DLGAP1: variants seen among roughly 807,000 people sequenced by gnomAD.
DLGAP1 encodes the protein disks large-associated protein 1.
A neutral mutation model predicts 90.8 loss-of-function variants in DLGAP1; 11 were observed. The ratio of observed to expected loss-of-function variants is 0.12; its 90% confidence interval spans 0.08 to 0.20. The LOEUF (loss-of-function observed/expected upper bound fraction) is 0.20, where lower values mean the gene tolerates loss of function less well. DLGAP1 is among the 10% of genes least tolerant of loss of function. The probability of loss-of-function intolerance (pLI) is 1.00; values close to 1 mark genes in which losing one functional copy is unlikely to be tolerated. For synonymous variants in DLGAP1, 558 were observed against 540.7 expected (o/e 1.03, Z -0.44); for missense variants, 1,050 against 1,333.8 (o/e 0.79, Z 3.31).
chr18:3,813,023 G>T (rs1226047690), intron 5 of DLGAP1, among the ~76,000 whole-genome samples: 1 of 152,098 alleles, frequency 6.6e-6, no homozygotes, highest in Non-Finnish European at 1.5e-5. Context: ...AGACTCTAAA[G>T]AATTTACTCT....
At chr18:3,787,453 C>G (rs1052150639) in intron 5 of DLGAP1, among the ~76,000 whole-genome samples, 14 of 121,326 alleles carry the variant, frequency 1.2e-4, no homozygotes, top group Non-Finnish European at 1.6e-5. Context: ...TGCACTCTGG[C>G]CTGGGTGACA....
intron 7 of DLGAP1, among the ~76,000 whole-genome samples, chr18:3,594,669 A>G (rs2056477984): frequency 6.6e-6 from 1 of 152,098 alleles, no homozygotes; most frequent in Non-Finnish European, 1.5e-5. Context: ...GTTGTTTTAA[A>G]GCAGCAGCCA....
chr18:4,433,254 T>C (rs1310678231), intron 1 of DLGAP1, among the ~76,000 whole-genome samples: 1 of 152,240 alleles, frequency 6.6e-6, no homozygotes, highest in Non-Finnish European at 1.5e-5. Context: ...CTCAATTTAT[T>C]CATCTGTAAT....
chr18:4,315,858 G>A (rs1358229776), intron 1 of DLGAP1, among the ~76,000 whole-genome samples: 1 of 152,178 alleles, frequency 6.6e-6, no homozygotes, highest in Non-Finnish European at 1.5e-5. Flanking sequence ...TCAGCACATA[G>A]TAAGTGCTCA....
intron 3 of DLGAP1, among the ~76,000 whole-genome samples, chr18:3,907,975 T>A (rs1412041497): frequency 6.6e-6 from 1 of 152,208 alleles, no homozygotes; most frequent in Non-Finnish European, 1.5e-5. Flanking sequence ...ATTGGAGCCT[T>A]AAGAGCTAGG....
chr18:4,123,790 A>G (rs892022611), intron 2 of DLGAP1, among the ~76,000 whole-genome samples: 2 of 152,136 alleles, frequency 1.3e-5, no homozygotes, highest in African/African-American at 4.8e-5. Flanking sequence ...AAAACAGAAT[A>G]CTGTTTATAA....
intron 3 of DLGAP1, among the ~76,000 whole-genome samples, chr18:3,897,854 G>T (rs1373263330): frequency 6.8e-6 from 1 of 147,290 alleles, no homozygotes; most frequent in East Asian, 2.0e-4. Flanking sequence ...GACTGCAGTG[G>T]CGCAATCTCG....
chr18:4,275,001 G>A (rs1033772843), intron 1 of DLGAP1, among the ~76,000 whole-genome samples: 1 of 152,098 alleles, frequency 6.6e-6, no homozygotes, highest in Non-Finnish European at 1.5e-5. Context: ...TTATCAAAAT[G>A]GGACTGACTT....
rs976082599 is a variant in DLGAP1 at position 3,792,134 on chromosome 18, C to T, written c.1172+21925G>A. Among the ~76,000 whole-genome samples, 6 of 152,136 alleles carry T rather than the reference C, an allele frequency of 3.9e-5. No homozygotes were observed. The East Asian group carries it at 9.7e-4, about 25-fold the overall frequency. ...GTAACCAGCTGGCCCTGTGTACTCA[C>T]GGGCCTGCAGGGCAGCAGCCCTCTT... On this transcript the variant is annotated intron_variant, in intron 5 of 12. Transcript: ENST00000315677.
chr18:4,177,699 T>C (rs1447086517), intron 1 of DLGAP1, among the ~76,000 whole-genome samples: 1 of 152,174 alleles, frequency 6.6e-6, no homozygotes, highest in Non-Finnish European at 1.5e-5. Flanking sequence ...CTCCCACTTA[T>C]AAGTGAGAAC....
intron 1 of DLGAP1, among the ~76,000 whole-genome samples, chr18:4,418,156 T>G (rs1176928850): frequency 6.6e-6 from 1 of 152,002 alleles, no homozygotes; most frequent in Non-Finnish European, 1.5e-5. Flanking sequence ...CTAACCCAAC[T>G]CCTAACTAGT....
At chr18:3,503,834 G>A (rs1054373972) in intron 11 of DLGAP1, among the ~76,000 whole-genome samples, 4 of 152,268 alleles carry the variant, frequency 2.6e-5, no homozygotes, top group Admixed American at 6.5e-5. Context: ...GGTGGCTCAT[G>A]CCTGTAATCC....
chr18:3,898,011 G>A (rs958568353), intron 3 of DLGAP1, among the ~76,000 whole-genome samples: 15 of 151,794 alleles, frequency 9.9e-5, no homozygotes, highest in African/African-American at 2.9e-4. Context: ...AGCCAGGATG[G>A]TCTCGATCTC....
chr18:4,361,434 T>A (rs2081628072), intron 1 of DLGAP1, among the ~76,000 whole-genome samples: 1 of 152,038 alleles, frequency 6.6e-6, no homozygotes, highest in Non-Finnish European at 1.5e-5. Context: ...GAATAGACAG[T>A]TCAGAAATAA....
intron 7 of DLGAP1, among the ~76,000 whole-genome samples, chr18:3,690,499 A>AGAC (rs1165099404): frequency 6.6e-6 from 1 of 152,142 alleles, no homozygotes; most frequent in Non-Finnish European, 1.5e-5. Flanking sequence ...GGATATCCAA[A>AGAC]GACGAGCTGG....
At chr18:4,149,835 A>T (rs1413987979) in intron 2 of DLGAP1, among the ~76,000 whole-genome samples, 1 of 152,138 alleles carries the variant, frequency 6.6e-6, no homozygotes, top group Non-Finnish European at 1.5e-5. Context: ...CTTCCACGAA[A>T]CCGGTCCCTG....
intron 1 of DLGAP1, among the ~76,000 whole-genome samples, chr18:4,218,698 A>G (rs905308272): frequency 2.0e-4 from 31 of 151,934 alleles, no homozygotes; most frequent in African/African-American, 6.8e-4. Context: ...GATTCCACAT[A>G]TAAGTAAAAC....
chr18:4,115,586 C>T lies in DLGAP1; in HGVS notation c.-159+35594G>A, dbSNP rs113386397. Among the ~76,000 whole-genome samples, 1,178 of 151,964 alleles carry T rather than the reference C, an allele frequency of 7.8e-3. 5 individuals carry two copies. The highest frequency in any genetic ancestry group is 0.025 in the South Asian group (122 of 4,814). ...CCGCAAGCTCTGCCTCCGGGGTTCACGCCATCCTCCTGCCTCAGCCTCCGG... is the reference window on the plus strand; with the variant it reads ...CCGCAAGCTCTGCCTCCGGGGTTCATGCCATCCTCCTGCCTCAGCCTCCGG... On this transcript the variant is annotated intron_variant, in intron 2 of 12. Coordinates refer to ENST00000315677, the MANE Select transcript of DLGAP1 (RefSeq NM_004746.4).
chr18:4,392,219 C>T (rs1420599623), intron 1 of DLGAP1, among the ~76,000 whole-genome samples: 4 of 152,116 alleles, frequency 2.6e-5, no homozygotes, highest in Admixed American at 2.6e-4. Flanking sequence ...GGCAGCACAG[C>T]CTGAGATTCA....
Sources: allele counts gnomAD v4.1 joint callset (sites outside exome capture counted in the v4.1 genomes callset), GRCh38; gene constraint gnomAD v4.1.1; transcripts MANE v1.5; gene names NCBI Gene and HGNC (gene_info 2026-07-23, HGNC 2026-07-21).